Variants in MET observed in about 807,000 individuals in gnomAD.
The protein encoded by MET is MET proto-oncogene, receptor tyrosine kinase, also known as hepatocyte growth factor receptor.
A neutral mutation model predicts 133.1 loss-of-function variants in MET; 48 were observed. That is an observed-to-expected ratio of 0.36 (90% CI 0.29 to 0.46). The LOEUF (loss-of-function observed/expected upper bound fraction) is 0.46. Ranked by LOEUF, MET falls within the 20% of genes least tolerant of loss-of-function variation. The pLI, the probability that MET is intolerant of heterozygous loss-of-function variation, is 1.00. For synonymous variants in MET, 628 were observed against 616.5 expected, an observed-to-expected ratio of 1.02 and a Z score of -0.28; for missense variants, 1,442 against 1,695.9, an observed-to-expected ratio of 0.85 and a Z score of 2.63.
Position 116,774,980 on chromosome 7 carries a change from CCAGTCCATTACTG to C in MET, c.3131_3143del (p.Ser1044LysfsTer11). 6.2e-7 allele frequency: 1 copy of C among 1,614,128 alleles called. No homozygotes were observed. The highest frequency in any genetic ancestry group is 8.5e-7 in the Non-Finnish European group (1 of 1,179,978). On this transcript the variant is annotated frameshift_variant, in exon 15 of 21. Transcript: ENST00000397752. LOFTEE classifies it high-confidence loss of function. ...CTAACTAGTGGGGACTCTGATATAT[CCAGTCCATTACTG>C]CAAAATACTGTCCACATTGACCTCA...
rs2116582786 is a variant in MET at position 116,699,288 on chromosome 7, C to T, written c.204C>T (p.Asn68=). The T allele has an allele frequency of 6.2e-7, 1 of 1,614,038 alleles. No homozygotes were observed. The highest frequency in any genetic ancestry group is 8.5e-7 in the Non-Finnish European group (1 of 1,179,952). ...HEHHIFLGAT[N]YIYVLNEEDL... is the part of the protein sequence containing the mutation. ...ATCACATTTTCCTTGGTGCCACTAA[C>T]TACATTTATGTTTTAAATGAGGAAG... The change falls in exon 2 of 21, where the codon AAC becomes AAT. Residue 68 remains asparagine, a synonymous_variant. Transcript: ENST00000397752.
intron 1 of MET, among the ~76,000 whole-genome samples, chr7:116,698,845 T>G (rs911571952): frequency 6.6e-6 from 1 of 152,332 alleles, no homozygotes; most frequent in African/African-American, 2.4e-5. Context: ...TCAATGGTTC[T>G]CTAAAATTAT....
chr7:116,716,900 C>T (rs950100784), intron 2 of MET, among the ~76,000 whole-genome samples: 2 of 152,160 alleles, frequency 1.3e-5, no homozygotes, highest in Non-Finnish European at 2.9e-5. Flanking sequence ...CACACACAAC[C>T]GCAGAGCATG....
At chr7:116,772,236 A>G (rs542133506) in intron 14 of MET, among the ~76,000 whole-genome samples, 1 of 152,206 alleles carries the variant, frequency 6.6e-6, no homozygotes, top group Non-Finnish European at 1.5e-5. Flanking sequence ...TTTGAGCAAA[A>G]GTAATTTGTT....
At chr7:116,752,743 G>T (rs780044012) in intron 5 of MET, among the ~76,000 whole-genome samples, 1 of 152,106 alleles carries the variant, frequency 6.6e-6, no homozygotes, top group East Asian at 1.9e-4. Flanking sequence ...CACCCAATCC[G>T]TTTGCCTTTT....
At chr7:116,678,922 A>T (rs188602755) in intron 1 of MET, among the ~76,000 whole-genome samples, 20 of 152,294 alleles carry the variant, frequency 1.3e-4, no homozygotes, top group Admixed American at 3.3e-4. Flanking sequence ...AGAAAAAAAT[A>T]GGAAGTTGGT....
At chr7:116,705,667 C>T (rs945441204) in intron 2 of MET, among the ~76,000 whole-genome samples, 7 of 152,006 alleles carry the variant, frequency 4.6e-5, no homozygotes, top group Admixed American at 1.3e-4. Flanking sequence ...GAAAGAAAAT[C>T]CTTGAGGTAT....
Position 116,693,542 on chromosome 7 carries a change from C to T in MET, c.-14-5529C>T, listed in dbSNP as rs181115606. Reference sequence around the variant, plus strand: ...ATTAGCTGCACTGCCACAACTAAACCTAGGCCCTCTCCAGTGTTTGACCTC... The same window carrying T: ...ATTAGCTGCACTGCCACAACTAAACTTAGGCCCTCTCCAGTGTTTGACCTC... On this transcript the variant is annotated intron_variant, in intron 1 of 20. Transcript: ENST00000397752. Among the ~76,000 whole-genome samples the T allele has an allele frequency of 9.8e-5, 15 of 152,294 alleles. No homozygotes were observed. In the East Asian group the frequency reaches 2.9e-3, roughly 29 times the overall value.
chr7:116,792,660 G>A (rs187384576), intron 19 of MET, among the ~76,000 whole-genome samples: 105 of 152,130 alleles, frequency 6.9e-4, no homozygotes, highest in African/African-American at 2.3e-3. Context: ...TTACCTCCCT[G>A]TCCCGTGAGT....
At position 116,713,099 on chromosome 7, in the gene MET, G is replaced by A. The variant is rs1792059430; in HGVS notation, c.1200+12815G>A. 2.0e-5 allele frequency among the ~76,000 whole-genome samples: 3 copies of A among 152,258 alleles called. 1 individual carries two copies. The South Asian group carries it at 6.2e-4, about 32-fold the overall frequency. ...TGATTTCAAGTTGAAAATGATATAT[G>A]GGTTAAGGAAAAGAGGCCGGGCGCG... On this transcript the variant is annotated intron_variant, in intron 2 of 20. Transcript: ENST00000397752.
intron 5 of MET, chr7:116,741,236 G>A (rs946375618): frequency 8.5e-6 from 5 of 587,312 alleles, no homozygotes; most frequent in South Asian, 1.9e-5. Flanking sequence ...GGTGGTGTTT[G>A]GGCATCCCCC....
Position 116,769,565 on chromosome 7 carries a change from A to G in MET, c.2584-80A>G. The G allele has an allele frequency of 3.2e-6, 5 of 1,550,932 alleles. No homozygotes were observed. In the Admixed American group the frequency reaches 5.2e-5, roughly 16 times the overall value. ...ACAACATGGCCTGTGTTTGCAGTAT[A>G]TTTATATTCCTTTGCCATTGTTAGC... is the stretch of plus-strand genomic sequence containing the variant. On this transcript the variant is annotated intron_variant, in intron 11 of 20. Coordinates refer to ENST00000397752, the MANE Select transcript of MET (RefSeq NM_000245.4).
At chr7:116,793,520 C>T (rs1795578343) in intron 19 of MET, among the ~76,000 whole-genome samples, 1 of 152,102 alleles carries the variant, frequency 6.6e-6, no homozygotes, top group Admixed American at 6.6e-5. Flanking sequence ...CAGCACAGTC[C>T]CATTTCAATC....
intron 3 of MET, among the ~76,000 whole-genome samples, chr7:116,733,014 C>T (rs1408040941): frequency 2.0e-5 from 3 of 152,096 alleles, no homozygotes; most frequent in Non-Finnish European, 4.4e-5. Context: ...CATTGAACTA[C>T]GCCTTTTCTC....
chr7:116,709,273 G>A lies in MET; in HGVS notation c.1200+8989G>A, dbSNP rs183035736. ...CACACAAATATCTAAATAAGTTTAT[G>A]TCTTGTAGGGAAGGCACTTTGTCAT... On this transcript the variant is annotated intron_variant, in intron 2 of 20. Transcript: ENST00000397752. Among the ~76,000 whole-genome samples, 133 of 152,276 alleles carry A rather than the reference G, an allele frequency of 8.7e-4. No homozygotes were observed. The Middle Eastern group carries it at 0.01, about 12-fold the overall frequency.
chr7:116,788,566 T>C (rs1228474374), intron 19 of MET, among the ~76,000 whole-genome samples: 1 of 152,178 alleles, frequency 6.6e-6, no homozygotes, highest in East Asian at 1.9e-4. Flanking sequence ...GTACATAGAT[T>C]TCTGCAGATA....
In MET at chr7:116,796,135, A is replaced by G. The variant is rs1795668695; in HGVS notation, c.*11A>G. On this transcript the variant is annotated 3_prime_UTR_variant, in exon 21 of 21. Coordinates refer to ENST00000397752, the MANE Select transcript of MET (RefSeq NM_000245.4). ...TGGGAGACATCATAGTGCTAGTACT[A>G]TGTCAAAGCAACAGTCCACACTTTG... is the stretch of plus-strand genomic sequence containing the variant. 1.2e-6 allele frequency: 2 copies of G among 1,609,866 alleles called. No homozygotes were observed. Among genetic ancestry groups the G allele is most frequent in the Non-Finnish European group, 1.7e-6 (2 of 1,176,468 alleles).
chr7:116,689,082 C>T (rs1281121858), intron 1 of MET, among the ~76,000 whole-genome samples: 3 of 152,048 alleles, frequency 2.0e-5, no homozygotes, highest in Non-Finnish European at 4.4e-5. Flanking sequence ...GTAAATCAAT[C>T]TGGGAATACC....
chr7:116,701,498 T>G (rs1254883315), intron 2 of MET, among the ~76,000 whole-genome samples: 1 of 152,176 alleles, frequency 6.6e-6, no homozygotes, highest in African/African-American at 2.4e-5. Flanking sequence ...ATAGTTAACT[T>G]TTTATGATGC....
Sources: allele counts gnomAD v4.1 joint callset (sites outside exome capture counted in the v4.1 genomes callset), GRCh38; gene constraint gnomAD v4.1.1; transcripts MANE v1.5; gene names NCBI Gene and HGNC (gene_info 2026-07-23, HGNC 2026-07-21).